The following SHC4 variants were observed in gnomAD, a reference collection of about 807,000 sequenced individuals.
SHC4 encodes SHC adaptor protein 4.
In SHC4, 41 loss-of-function variants were observed where a neutral mutation model predicts 69.4. The ratio of observed to expected loss-of-function variants is 0.59; its 90% CI spans 0.46 to 0.77. The LOEUF (loss-of-function observed/expected upper bound fraction) is 0.77, where lower values mean the gene tolerates loss of function less well. Among genes scored for constraint, SHC4 ranks in the 30% least tolerant of loss-of-function variants. The pLI, the probability that SHC4 is intolerant of heterozygous loss-of-function variation, is 0.00. For synonymous variants in SHC4, 318 were observed against 299.3 expected (o/e 1.06, Z -0.64); for missense variants, 777 against 783.8 (o/e 0.99, Z 0.10).
At chr15:48,912,683 C>T (rs1040983539) in intron 2 of SHC4, among the ~76,000 whole-genome samples, 3 of 152,054 alleles carry the variant, frequency 2.0e-5, no homozygotes, top group African/African-American at 2.4e-5. Flanking sequence ...TCATATTACC[C>T]GGGTTGGTTT....
intron 1 of SHC4, among the ~76,000 whole-genome samples, chr15:48,925,524 A>G (rs1421093232): frequency 1.3e-5 from 2 of 152,256 alleles, no homozygotes; most frequent in East Asian, 3.8e-4. Flanking sequence ...TACCAAACTT[A>G]GTAATATAAG....
chr15:48,844,742 TCTC>T (rs1266731460), intron 9 of SHC4, among the ~76,000 whole-genome samples: 2 of 152,154 alleles, frequency 1.3e-5, no homozygotes, highest in Non-Finnish European at 2.9e-5. Flanking sequence ...CCTATACTGT[TCTC>T]CTTGTAGTGA....
intron 1 of SHC4, among the ~76,000 whole-genome samples, chr15:48,928,893 A>G (rs1487149283): frequency 6.6e-6 from 1 of 152,194 alleles, no homozygotes; most frequent in Non-Finnish European, 1.5e-5. Flanking sequence ...CAAGTAAATC[A>G]ATAATCAATC....
At chr15:48,860,157 CT>C (rs34795478) in intron 6 of SHC4, among the ~76,000 whole-genome samples, 8 of 151,290 alleles carry the variant, frequency 5.3e-5, no homozygotes, top group Non-Finnish European at 7.4e-5. Context: ...CAAATAAATA[CT>C]TTTTTTTTAA....
intron 8 of SHC4, among the ~76,000 whole-genome samples, chr15:48,853,385 T>C (rs1341010471): frequency 6.6e-6 from 1 of 152,050 alleles, no homozygotes; most frequent in African/African-American, 2.4e-5. Flanking sequence ...AGAATCAATA[T>C]CATAAAAATG....
At chr15:48,834,587 G>T (rs1247077884) in intron 11 of SHC4, among the ~76,000 whole-genome samples, 182 bp downstream of exon 11, 2 of 152,006 alleles carry the variant, frequency 1.3e-5, no homozygotes, top group East Asian at 3.9e-4. Context: ...ATACTCCAGG[G>T]TGGCCTCCTA....
intron 11 of SHC4, among the ~76,000 whole-genome samples, chr15:48,832,840 T>A (rs1430545950): frequency 1.3e-5 from 2 of 152,160 alleles, no homozygotes; most frequent in Non-Finnish European, 2.9e-5. Flanking sequence ...GCTGAACCCC[T>A]CTAGTGATCT....
chr15:48,962,339 C>T, intron 1 of SHC4, 92 bp downstream of exon 1: 1 of 1,328,028 alleles, frequency 7.5e-7, no homozygotes, highest in Non-Finnish European at 1.0e-6. Context: ...AACACAGAAC[C>T]CAGGCAGGTA....
chr15:48,952,286 G>A (rs994119966), intron 1 of SHC4, among the ~76,000 whole-genome samples: 1 of 152,108 alleles, frequency 6.6e-6, no homozygotes, highest in Admixed American at 6.6e-5. Context: ...AAAGCACATG[G>A]GTTTTTCAAC....
At chr15:48,858,871 G>A (rs567360828) in intron 6 of SHC4, among the ~76,000 whole-genome samples, 93 of 152,298 alleles carry the variant, frequency 6.1e-4, no homozygotes, top group Non-Finnish European at 1.2e-3. Flanking sequence ...TGTAAAAATT[G>A]TCAGCTATTT....
intron 3 of SHC4, among the ~76,000 whole-genome samples, chr15:48,888,261 C>A (rs1900072386): frequency 6.6e-6 from 1 of 152,118 alleles, no homozygotes; most frequent in Non-Finnish European, 1.5e-5. Flanking sequence ...TATATACATA[C>A]AATGCAAAAT....
intron 11 of SHC4, among the ~76,000 whole-genome samples, chr15:48,832,385 G>A (rs149481015): frequency 2.0e-5 from 3 of 152,272 alleles, no homozygotes; most frequent in East Asian, 1.9e-4. Flanking sequence ...ATAGTCTTAC[G>A]GTGGTTATGA....
chr15:48,938,545 TCTC>T (rs989194253), intron 1 of SHC4, among the ~76,000 whole-genome samples: 2 of 152,164 alleles, frequency 1.3e-5, no homozygotes, highest in Admixed American at 1.3e-4. Context: ...GCATTGCACT[TCTC>T]CTGCCCCTTT....
chr15:48,928,376 G>A (rs1900894177), intron 1 of SHC4, among the ~76,000 whole-genome samples: 1 of 152,086 alleles, frequency 6.6e-6, no homozygotes, highest in Admixed American at 6.6e-5. Flanking sequence ...TTGACAGTGG[G>A]AACTTTAAAA....
chr15:48,923,612 A>C (rs1170577295), intron 2 of SHC4, among the ~76,000 whole-genome samples: 1 of 148,386 alleles, frequency 6.7e-6, no homozygotes, highest in Non-Finnish European at 1.5e-5. Flanking sequence ...TTTTTCAACT[A>C]TAGCAGCACA....
intron 1 of SHC4, 46 bp downstream of exon 1, chr15:48,962,385 C>T: frequency 6.7e-7 from 1 of 1,502,916 alleles, no homozygotes; most frequent in Non-Finnish European, 8.9e-7. Flanking sequence ...AGAAGATGCC[C>T]CCTTCCACGG....
chr15:48,954,355 A>G (rs767792721), intron 1 of SHC4, among the ~76,000 whole-genome samples: 14 of 152,174 alleles, frequency 9.2e-5, no homozygotes, highest in Non-Finnish European at 1.9e-4. Flanking sequence ...TCTGCCGCAG[A>G]ATCACATAAG....
At chr15:48,919,566 G>T (rs1449430025) in intron 2 of SHC4, among the ~76,000 whole-genome samples, 2 of 151,752 alleles carry the variant, frequency 1.3e-5, no homozygotes, top group South Asian at 2.1e-4. Flanking sequence ...TGGGACTACA[G>T]GTGTGAGCCA....
chr15:48,926,406 T>A (rs1458127211), intron 1 of SHC4, among the ~76,000 whole-genome samples: 6 of 152,052 alleles, frequency 3.9e-5, no homozygotes, highest in Non-Finnish European at 7.4e-5. Context: ...TCAAAAGATG[T>A]CAGGAGCTGG....
Sources: gnomAD v4.1 joint callset for allele counts (sites outside exome capture counted in the v4.1 genomes callset) on GRCh38, gnomAD v4.1.1 for gene constraint, MANE v1.5 for transcripts, NCBI Gene and HGNC (gene_info 2026-07-23, HGNC 2026-07-21) for gene names.